Variants in SLC24A3 observed in about 807,000 individuals in gnomAD.
SLC24A3 encodes the protein sodium/potassium/calcium exchanger 3.
A neutral mutation model predicts 75.8 loss-of-function variants in SLC24A3; 28 were observed. The observed-to-expected ratio is 0.37, with a 90% CI of 0.27 to 0.51. SLC24A3 has a LOEUF of 0.51. SLC24A3 is among the 20% of genes least tolerant of loss of function. SLC24A3 has a pLI of 0.94. For missense variants in SLC24A3, 663 were observed against 847.8 expected, an observed-to-expected ratio of 0.78 and a Z score of 2.71; for synonymous variants, 372 against 334.1, an observed-to-expected ratio of 1.11 and a Z score of -1.24.
At chr20:19,648,123 G>A (rs1261375370) in intron 6 of SLC24A3, among the ~76,000 whole-genome samples, 1 of 152,162 alleles carries the variant, frequency 6.6e-6, no homozygotes, top group Admixed American at 6.5e-5. Flanking sequence ...TTTTAAAAGT[G>A]TACTTCATGA....
chr20:19,504,188 A>T (rs151197227), intron 2 of SLC24A3, among the ~76,000 whole-genome samples: 8 of 152,234 alleles, frequency 5.3e-5, no homozygotes, highest in African/African-American at 1.9e-4. Context: ...GTCGTGGAAT[A>T]ACAACATCAG....
At chr20:19,593,590 T>C (rs1165332043) in intron 6 of SLC24A3, among the ~76,000 whole-genome samples, 4 of 152,220 alleles carry the variant, frequency 2.6e-5, no homozygotes, top group Admixed American at 2.6e-4. Context: ...TCAGAGAGGC[T>C]GAGTACTGTG....
intron 2 of SLC24A3, among the ~76,000 whole-genome samples, chr20:19,377,825 T>C (rs16980451): frequency 6.6e-6 from 1 of 152,172 alleles, no homozygotes; most frequent in South Asian, 2.1e-4. Context: ...AAGGCTTTCA[T>C]TCCAAGGAAG....
intron 1 of SLC24A3, among the ~76,000 whole-genome samples, chr20:19,259,889 T>C (rs886654051): frequency 9.9e-5 from 15 of 152,234 alleles, no homozygotes; most frequent in African/African-American, 3.6e-4. Flanking sequence ...TGTTTTCCTT[T>C]TAACAAAGTA....
At chr20:19,521,823 C>T (rs1288646312) in intron 3 of SLC24A3, among the ~76,000 whole-genome samples, 2 of 152,190 alleles carry the variant, frequency 1.3e-5, no homozygotes, top group Non-Finnish European at 1.5e-5. Flanking sequence ...GGGCAGAAGA[C>T]CAGGGTCCTG....
intron 2 of SLC24A3, among the ~76,000 whole-genome samples, chr20:19,352,222 G>A (rs1299153339): frequency 6.6e-6 from 1 of 152,148 alleles, no homozygotes; most frequent in Admixed American, 6.5e-5. Flanking sequence ...AAAGTGGTCG[G>A]TCATTGAAAG....
At chr20:19,328,251 G>A (rs538034557) in intron 2 of SLC24A3, among the ~76,000 whole-genome samples, 7 of 151,942 alleles carry the variant, frequency 4.6e-5, no homozygotes, top group East Asian at 1.9e-4. Context: ...GACGTCAAAG[G>A]TCGTGGGGAA....
At chr20:19,530,577 G>T (rs930426837) in intron 3 of SLC24A3, among the ~76,000 whole-genome samples, 4 of 152,186 alleles carry the variant, frequency 2.6e-5, no homozygotes, top group Non-Finnish European at 5.9e-5. Context: ...TCTTTAGAAT[G>T]AGGAAAAGCT....
chr20:19,539,623 C>T (rs766129083), intron 3 of SLC24A3, among the ~76,000 whole-genome samples: 6 of 152,140 alleles, frequency 3.9e-5, no homozygotes, highest in Non-Finnish European at 7.4e-5. Flanking sequence ...GGGGAGACAC[C>T]TTTCCTCCCC....
At chr20:19,296,493 T>C (rs1445486730) in intron 2 of SLC24A3, among the ~76,000 whole-genome samples, 1 of 152,174 alleles carries the variant, frequency 6.6e-6, no homozygotes, top group African/African-American at 2.4e-5. Flanking sequence ...TTTAGTGTTA[T>C]ATATTTCCCT....
At chr20:19,524,783 C>T (rs1224519804) in intron 3 of SLC24A3, among the ~76,000 whole-genome samples, 2 of 152,144 alleles carry the variant, frequency 1.3e-5, no homozygotes, top group Admixed American at 6.6e-5. Context: ...ACTATATCTA[C>T]AATTTACAAG....
chr20:19,603,321 G>T (rs1340252925), intron 6 of SLC24A3, among the ~76,000 whole-genome samples: 8 of 152,268 alleles, frequency 5.3e-5, no homozygotes, highest in Middle Eastern at 3.4e-3. Flanking sequence ...TCAGCAGGGG[G>T]TGATGGCATA....
intron 6 of SLC24A3, among the ~76,000 whole-genome samples, chr20:19,618,332 G>A (rs776618670): frequency 3.9e-5 from 6 of 152,170 alleles, no homozygotes; most frequent in Non-Finnish European, 8.8e-5. Context: ...TGAGATCAAG[G>A]TGTCAGGAGG....
At chr20:19,502,954 G>C (rs1173880851) in intron 2 of SLC24A3, among the ~76,000 whole-genome samples, 1 of 150,358 alleles carries the variant, frequency 6.7e-6, no homozygotes, top group East Asian at 1.9e-4. Context: ...TTAAGCCCAG[G>C]AGTTGGAGGC....
intron 2 of SLC24A3, among the ~76,000 whole-genome samples, chr20:19,330,086 TG>T (rs1315574043): frequency 1.3e-5 from 2 of 152,196 alleles, no homozygotes; most frequent in Non-Finnish European, 2.9e-5. Context: ...AGCAAGAGTC[TG>T]GGGCTAACCA....
intron 2 of SLC24A3, among the ~76,000 whole-genome samples, chr20:19,423,423 A>G (rs762837715): frequency 6.6e-6 from 1 of 152,210 alleles, no homozygotes; most frequent in African/African-American, 2.4e-5. Flanking sequence ...AAGAAAATGT[A>G]GCTAGGCCAT....
At chr20:19,426,700 A>T (rs889561573) in intron 2 of SLC24A3, among the ~76,000 whole-genome samples, 6 of 152,118 alleles carry the variant, frequency 3.9e-5, no homozygotes, top group African/African-American at 1.2e-4. Flanking sequence ...GCCACATTCC[A>T]CTCACTACCG....
At chr20:19,714,427 CAACAA>C (rs1417939885) in intron 15 of SLC24A3, among the ~76,000 whole-genome samples, 13 of 29,512 alleles carry the variant, frequency 4.4e-4, no homozygotes, top group African/African-American at 1.6e-3. Context: ...AAAAAAAAAA[CAACAA>C]AAAGAGGCAA....
intron 2 of SLC24A3, among the ~76,000 whole-genome samples, chr20:19,366,674 G>A (rs1239604177): frequency 6.6e-6 from 1 of 152,082 alleles, no homozygotes; most frequent in Non-Finnish European, 1.5e-5. Context: ...ATCACAGAGG[G>A]ATCTTTGGTA....
Sources: allele counts gnomAD v4.1 joint callset (sites outside exome capture counted in the v4.1 genomes callset), GRCh38; gene constraint gnomAD v4.1.1; transcripts MANE v1.5; gene names NCBI Gene and HGNC (gene_info 2026-07-23, HGNC 2026-07-21).